Variants in ACSL3 observed in about 807,000 individuals in gnomAD.
ACSL3 encodes fatty acid CoA ligase Acsl3.
In ACSL3, 34 loss-of-function variants were observed where a neutral mutation model predicts 84.7. The ratio of observed to expected loss-of-function variants is 0.40; its 90% confidence interval spans 0.31 to 0.53. ACSL3 has a LOEUF of 0.53. ACSL3 is among the 20% of genes least tolerant of loss of function. The pLI, the probability that ACSL3 is intolerant of heterozygous loss-of-function variation, is 0.48. For synonymous variants in ACSL3, 315 were observed against 299.4 expected (o/e 1.05, Z -0.54); for missense variants, 680 against 873.1 (o/e 0.78, Z 2.79).
chr2:222,908,558 G>C (rs1022209338), intron 3 of ACSL3, among the ~76,000 whole-genome samples, 175 bp from the exon 4 acceptor site: 7 of 151,988 alleles, frequency 4.6e-5, no homozygotes, highest in African/African-American at 1.5e-4. Context: ...TTGTAATTCC[G>C]TTGTTAATAG....
intron 1 of ACSL3, among the ~76,000 whole-genome samples, chr2:222,875,715 G>C (rs1695429035): frequency 6.6e-6 from 1 of 152,114 alleles, no homozygotes; most frequent in African/African-American, 2.4e-5. Flanking sequence ...ATTGCTGCTT[G>C]ACGGGTTGTT....
At chr2:222,939,259 G>T (rs1697245067) in intron 16 of ACSL3, among the ~76,000 whole-genome samples, 1 of 152,144 alleles carries the variant, frequency 6.6e-6, no homozygotes, top group Non-Finnish European at 1.5e-5. Context: ...TGTATTGAGA[G>T]GACTTTGTCC....
At chr2:222,875,739 T>C (rs1331597587) in intron 1 of ACSL3, among the ~76,000 whole-genome samples, 5 of 152,212 alleles carry the variant, frequency 3.3e-5, no homozygotes, top group East Asian at 1.9e-4. Flanking sequence ...TGAGCTGATA[T>C]TGACCAGAGT....
At chr2:222,875,101 A>G (rs1695411581) in intron 1 of ACSL3, among the ~76,000 whole-genome samples, 1 of 150,794 alleles carries the variant, frequency 6.6e-6, no homozygotes, top group Admixed American at 6.6e-5. Context: ...GCTAATGTTA[A>G]GGATAATATA....
At chr2:222,863,727 C>T (rs80213961) in intron 1 of ACSL3, among the ~76,000 whole-genome samples, 3,260 of 152,228 alleles carry the variant, frequency 0.021, 49 homozygotes, top group Non-Finnish European at 0.025. Flanking sequence ...AAAGTCTCAT[C>T]ATCTTAGGAG....
chr2:222,908,710 G>A (rs184341973), intron 3 of ACSL3, 23 bp from the exon 4 acceptor site: 24 of 1,400,120 alleles, frequency 1.7e-5, no homozygotes, highest in South Asian at 4.0e-5. Context: ...TTGAACTAAC[G>A]CCTTTCTTTT....
Position 222,921,479 on chromosome 2 carries a change from A to AT in ACSL3, c.956+50dup, listed in dbSNP as rs769065377. 14 of 1,488,230 alleles carry AT rather than the reference A, an allele frequency of 9.4e-6. 1 individual carries two copies. In the South Asian group the frequency reaches 1.7e-4, roughly 18 times the overall value. 92.2% of individuals were successfully genotyped at this position (1,488,230 alleles called of 1,614,324 possible). On this transcript the variant is annotated intron_variant, in intron 8 of 16. Transcript: ENST00000357430. ...GAGTAGTTAAGTATTTATGTCTGTTATAATGTTAGCATTTGTGTCATTTTA... is the reference window on the plus strand; with the variant it reads ...GAGTAGTTAAGTATTTATGTCTGTTATTAATGTTAGCATTTGTGTCATTTTA...
chr2:222,924,420 T>C (rs538973337), intron 10 of ACSL3, 36 bp from the exon 11 acceptor site: 12 of 1,522,578 alleles, frequency 7.9e-6, no homozygotes, highest in Admixed American at 6.3e-5. Flanking sequence ...GCAGCTGTTA[T>C]TATTAACTAT....
Position 222,924,608 on chromosome 2 carries a change from T to C in ACSL3, c.1292+13T>C. The C allele has an allele frequency of 1.3e-6, 2 of 1,578,816 alleles. No individual in the cohort carries two copies. The highest frequency in any genetic ancestry group is 1.7e-6 in the Non-Finnish European group (2 of 1,166,758). ...CACTGTGCGACAGGTAAGTAAAGAC[T>C]CTCTACCTCCTTCTTTCTCCTCTTG... On this transcript the variant is annotated intron_variant, in intron 11 of 16. Transcript: ENST00000357430.
At chr2:222,921,543 T>C (rs1475362454) in intron 8 of ACSL3, 113 bp downstream of exon 8, 3 of 1,037,002 alleles carry the variant, frequency 2.9e-6, no homozygotes, top group Non-Finnish European at 2.7e-6. Context: ...AGTCTGTTTG[T>C]AGTAGGCATT....
chr2:222,875,140 C>A (rs114386154), intron 1 of ACSL3, among the ~76,000 whole-genome samples: 1 of 152,074 alleles, frequency 6.6e-6, no homozygotes. Context: ...GTGCCTGGCA[C>A]GTATTAAATG....
intron 1 of ACSL3, among the ~76,000 whole-genome samples, chr2:222,886,873 A>G (rs886801868): frequency 6.6e-6 from 1 of 151,608 alleles, no homozygotes; most frequent in Non-Finnish European, 1.5e-5. Context: ...ACATCCCCCT[A>G]CCTCCCCAGA....
chr2:222,866,712 C>G (rs543323829), intron 1 of ACSL3, among the ~76,000 whole-genome samples: 2 of 67,634 alleles, frequency 3.0e-5, no homozygotes, highest in East Asian at 1.2e-3. Flanking sequence ...GTTTTAATTA[C>G]ACAAAGTTGC....
rs748964325 is a variant in ACSL3 at position 222,934,693 on chromosome 2, T to C, written c.2005+6T>C. 8 of 1,605,028 alleles carry C rather than the reference T, an allele frequency of 5.0e-6. No individual in the cohort carries two copies. The highest frequency in any genetic ancestry group is 5.9e-6 in the Non-Finnish European group (7 of 1,177,216). On this transcript the variant is annotated splice_donor_region_variant and intron_variant, in intron 16 of 16. Transcript: ENST00000357430. Reference sequence around the variant, plus strand: ...TTCCGAAGCTGCTATTTCAGGTGAGTATTCGGTTAAACTGATACTAAAAAC... The same window carrying C: ...TTCCGAAGCTGCTATTTCAGGTGAGCATTCGGTTAAACTGATACTAAAAAC...
Position 222,924,548 on chromosome 2 carries a change from C to T in ACSL3, c.1245C>T (p.Tyr415=), listed in dbSNP as rs1574560005. ...ATCTGTTTATTCTGGCCTATAATTA[C>T]AAAATGGAACAGATTTCAAAAGGAC... ...QRNLFILAYN[Y]KMEQISKGRN... Residue 415 remains tyrosine (Y), a synonymous_variant, in exon 11 of 17, where the codon TAC becomes TAT. Coordinates refer to ENST00000357430, the MANE Select transcript of ACSL3 (RefSeq NM_004457.5). 3 of 1,610,216 alleles carry T rather than the reference C, an allele frequency of 1.9e-6. No homozygotes were observed. The highest frequency in any genetic ancestry group is 2.5e-6 in the Non-Finnish European group (3 of 1,178,472).
rs1272880365 is a variant in ACSL3 at position 222,896,892 on chromosome 2, C to T, written c.-147-3782C>T. Among the ~76,000 whole-genome samples, 2 of 18,102 alleles carry T rather than the reference C, an allele frequency of 1.1e-4. 1 individual carries two copies. Among genetic ancestry groups the T allele is most frequent in the Non-Finnish European group, 1.7e-4 (2 of 11,820 alleles). The allele number at this position is 18,102 out of a possible 152,430, so 11.9% of individuals were successfully genotyped here. A position where few individuals can be genotyped will look rare whatever the true frequency, so the allele number is the denominator to read the frequency against. The stretch of plus-strand genomic sequence containing the variant: ...GGGCGGGGGGCCGACATCCCCACCT[C>T]CCTCCCGGACCGGGCGGCTGGCCAG... On this transcript the variant is annotated intron_variant, in intron 2 of 16. Coordinates refer to ENST00000357430, the MANE Select transcript of ACSL3 (RefSeq NM_004457.5).
chr2:222,905,833 T>G (rs539581868), intron 3 of ACSL3, among the ~76,000 whole-genome samples: 1 of 152,186 alleles, frequency 6.6e-6, no homozygotes, highest in East Asian at 1.9e-4. Context: ...TCGATTTGGA[T>G]TTTTGGTATT....
In ACSL3 at chr2:222,921,221, T is replaced by A. The variant is rs150458678; in HGVS notation, c.806-59T>A. 5.5e-4 allele frequency: 846 copies of A among 1,540,358 alleles called. 10 individuals are homozygous for A. The African/African-American group carries it at 0.01, about 19-fold the overall frequency. On this transcript the variant is annotated intron_variant, in intron 7 of 16. Coordinates refer to ENST00000357430, the MANE Select transcript of ACSL3 (RefSeq NM_004457.5). ...TTTATTTGATGATAATGAAAAGAAA[T>A]TGTTGATACAGCTGAATCTCATGAA...
At chr2:222,908,311 G>A (rs1696350587) in intron 3 of ACSL3, among the ~76,000 whole-genome samples, 1 of 152,164 alleles carries the variant, frequency 6.6e-6, no homozygotes, top group African/African-American at 2.4e-5. Flanking sequence ...GAAGGAATGT[G>A]GTGATTATTT....
Sources: allele counts gnomAD v4.1 joint callset (sites outside exome capture counted in the v4.1 genomes callset), GRCh38; gene constraint gnomAD v4.1.1; transcripts MANE v1.5; gene names NCBI Gene and HGNC (gene_info 2026-07-23, HGNC 2026-07-21).